WDFY2: variants seen among roughly 807,000 people sequenced by gnomAD.
WDFY2 encodes the protein WD repeat and FYVE domain containing 2, also known as WD repeat and FYVE domain-containing protein 2.
A neutral mutation model predicts 56.4 loss-of-function variants in WDFY2; 36 were observed. The ratio of observed to expected loss-of-function variants is 0.64; its 90% CI spans 0.49 to 0.84. The LOEUF (loss-of-function observed/expected upper bound fraction) is 0.84, where lower values mean the gene tolerates loss of function less well. Among genes scored for constraint, WDFY2 ranks in the 40% least tolerant of loss-of-function variants. The probability of loss-of-function intolerance (pLI) is 0.00; values close to 1 mark genes in which losing one functional copy is unlikely to be tolerated. For synonymous variants in WDFY2, 176 were observed against 183.7 expected, an observed-to-expected ratio of 0.96 and a Z score of 0.34; for missense variants, 444 against 512.2, an observed-to-expected ratio of 0.87 and a Z score of 1.29.
chr13:51,634,504 G>T (rs945224501), intron 1 of WDFY2, among the ~76,000 whole-genome samples: 1 of 152,120 alleles, frequency 6.6e-6, no homozygotes, highest in African/African-American at 2.4e-5. Flanking sequence ...TATAATACTT[G>T]TTAGCACTAA....
intron 1 of WDFY2, among the ~76,000 whole-genome samples, chr13:51,656,753 A>G (rs989965148): frequency 9.9e-5 from 15 of 151,990 alleles, no homozygotes; most frequent in African/African-American, 3.6e-4. Flanking sequence ...TCTTGTAATA[A>G]GTTTTGACTC....
chr13:51,673,487 A>G (rs1481738946), intron 2 of WDFY2, among the ~76,000 whole-genome samples: 2 of 152,246 alleles, frequency 1.3e-5, no homozygotes, highest in Non-Finnish European at 2.9e-5. Flanking sequence ...AAGAGTAAAG[A>G]CAGTGTTATA....
chr13:51,615,329 CAAAT>C (rs1177170398), intron 1 of WDFY2, among the ~76,000 whole-genome samples: 2 of 151,014 alleles, frequency 1.3e-5, no homozygotes, highest in African/African-American at 4.9e-5. Flanking sequence ...AAGTTGGAAA[CAAAT>C]AATTAAATCA....
intron 3 of WDFY2, among the ~76,000 whole-genome samples, chr13:51,696,088 C>T (rs1429818987): frequency 6.6e-6 from 1 of 152,216 alleles, no homozygotes; most frequent in Admixed American, 6.5e-5. Context: ...TCACCCCTTT[C>T]TTTGACTGGG....
At chr13:51,680,436 G>T (rs1955958195) in intron 3 of WDFY2, among the ~76,000 whole-genome samples, 1 of 152,124 alleles carries the variant, frequency 6.6e-6, no homozygotes. Context: ...CCAGTCATTG[G>T]ATTTATGTCT....
Position 51,690,372 on chromosome 13 carries a change from A to G in WDFY2, c.280-13224A>G, listed in dbSNP as rs1008149080. ...CCCCCCACCCCATAACAGTCCCCAG[A>G]GTGTGATATTCCCCTTCCTGTGTCC... is the stretch of plus-strand genomic sequence containing the variant. On this transcript the variant is annotated intron_variant, in intron 3 of 11. Transcript: ENST00000298125. 6.2e-3 allele frequency among the ~76,000 whole-genome samples: 731 copies of G among 117,534 alleles called. 13 individuals carry two copies. Among genetic ancestry groups the G allele is most frequent in the African/African-American group, 0.022 (683 of 30,502 alleles). 77.1% of individuals were successfully genotyped at this position (117,534 alleles called of 152,430 possible).
chr13:51,617,070 C>G (rs1954632790), intron 1 of WDFY2, among the ~76,000 whole-genome samples: 1 of 152,090 alleles, frequency 6.6e-6, no homozygotes, highest in African/African-American at 2.4e-5. Context: ...TGAAAATCTC[C>G]CCCACCTCTC....
At chr13:51,603,939 G>C (rs1303780959) in intron 1 of WDFY2, among the ~76,000 whole-genome samples, 1 of 152,186 alleles carries the variant, frequency 6.6e-6, no homozygotes, top group African/African-American at 2.4e-5. Context: ...GAGCAGTGGG[G>C]ATTGTGGCAA....
At chr13:51,705,003 G>A (rs2138586801) in intron 4 of WDFY2, among the ~76,000 whole-genome samples, 1 of 152,260 alleles carries the variant, frequency 6.6e-6, no homozygotes, top group South Asian at 2.1e-4. Flanking sequence ...TCTGAGATTA[G>A]GTTACAAAGA....
In WDFY2 at chr13:51,649,798, A is replaced by C. The variant is rs574578135; in HGVS notation, c.138-10798A>C. Among the ~76,000 whole-genome samples the C allele has an allele frequency of 2.0e-4, 30 of 152,042 alleles. 2 individuals are homozygous for C. In the South Asian group the frequency reaches 5.4e-3, roughly 27 times the overall value. On this transcript the variant is annotated intron_variant, in intron 1 of 11. Coordinates refer to ENST00000298125, the MANE Select transcript of WDFY2 (RefSeq NM_052950.4). The stretch of plus-strand genomic sequence containing the variant: ...CTATATCTCTGTTTTGGTACCAGTA[A>C]CATGCTGTTTTGGTTACTGTAGCCT...
chr13:51,654,311 C>T (rs1424898493), intron 1 of WDFY2, among the ~76,000 whole-genome samples: 1 of 152,180 alleles, frequency 6.6e-6, no homozygotes, highest in African/African-American at 2.4e-5. Flanking sequence ...TCACCCCTTT[C>T]CTTGGCTAGT....
intron 1 of WDFY2, chr13:51,585,882 A>G (rs1265234645): frequency 5.0e-6 from 2 of 396,660 alleles, no homozygotes; most frequent in Non-Finnish European, 4.4e-6. Context: ...CGCACTTAGC[A>G]TAGTGTGTGG....
intron 4 of WDFY2, among the ~76,000 whole-genome samples, chr13:51,718,128 A>C (rs773461920): frequency 6.6e-6 from 1 of 152,186 alleles, no homozygotes; most frequent in Non-Finnish European, 1.5e-5. Context: ...CTCTGTTTTC[A>C]TGATCAAAAT....
intron 1 of WDFY2, among the ~76,000 whole-genome samples, chr13:51,658,487 C>T (rs901019220): frequency 7.2e-5 from 11 of 152,162 alleles, no homozygotes; most frequent in African/African-American, 2.7e-4. Context: ...GAACATGAGC[C>T]GCAATCTCCA....
At chr13:51,759,648 A>G in intron 11 of WDFY2, 92 bp from the exon 12 acceptor site, 6 of 1,262,466 alleles carry the variant, frequency 4.8e-6, no homozygotes, top group Non-Finnish European at 6.8e-6. Context: ...GGTTTGTTAA[A>G]TGAAAAAAAT....
chr13:51,664,316 G>T (rs1351788768), intron 2 of WDFY2, among the ~76,000 whole-genome samples: 1 of 152,226 alleles, frequency 6.6e-6, no homozygotes, highest in Non-Finnish European at 1.5e-5. Flanking sequence ...AAGGCCGTTT[G>T]TCCCTGGGCC....
At chr13:51,669,100 AT>A (rs1370105391) in intron 2 of WDFY2, among the ~76,000 whole-genome samples, 3 of 152,162 alleles carry the variant, frequency 2.0e-5, no homozygotes, top group African/African-American at 4.8e-5. Flanking sequence ...AATCCATTTA[AT>A]TATTGACTCT....
At chr13:51,682,457 T>C (rs1020638041) in intron 3 of WDFY2, among the ~76,000 whole-genome samples, 2 of 152,214 alleles carry the variant, frequency 1.3e-5, no homozygotes, top group Non-Finnish European at 2.9e-5. Context: ...GAATTTTAAG[T>C]GCTCTGTAAA....
At chr13:51,669,260 T>A (rs953292279) in intron 2 of WDFY2, among the ~76,000 whole-genome samples, 1 of 152,220 alleles carries the variant, frequency 6.6e-6, no homozygotes, top group Non-Finnish European at 1.5e-5. Flanking sequence ...TTAAGCTGAA[T>A]GTTTGTCTTA....
Sources: gnomAD v4.1 joint callset for allele counts (sites outside exome capture counted in the v4.1 genomes callset) on GRCh38, gnomAD v4.1.1 for gene constraint, MANE v1.5 for transcripts, NCBI Gene and HGNC (gene_info 2026-07-23, HGNC 2026-07-21) for gene names.